CSGALNACT1: variants seen among roughly 807,000 people sequenced by gnomAD.
CSGALNACT1 encodes chondroitin sulfate N-acetylgalactosaminyltransferase 1.
CSGALNACT1 carries 52 observed loss-of-function variants against 51.0 expected under a neutral mutation model. That is an observed-to-expected ratio of 1.02 (90% CI 0.82 to 1.29). The LOEUF (loss-of-function observed/expected upper bound fraction) is 1.29. Ranked by LOEUF, CSGALNACT1 falls within the 50% of genes most tolerant of loss-of-function variation. The probability of loss-of-function intolerance (pLI) is 0.00; values close to 1 mark genes in which losing one functional copy is unlikely to be tolerated. For synonymous variants in CSGALNACT1, 341 were observed against 254.4 expected, an observed-to-expected ratio of 1.34 and a Z score of -3.24; for missense variants, 935 against 679.2, an observed-to-expected ratio of 1.38 and a Z score of -4.19.
At chr8:19,685,298 C>G (rs1438401874), upstream of CSGALNACT1, among the ~76,000 whole-genome samples, 2 of 152,108 alleles carry the variant, frequency 1.3e-5, no homozygotes, top group African/African-American at 4.8e-5. Flanking sequence ...CCCATCAGCC[C>G]AGGAGTTTGA....
At chr8:19,691,772 C>T (rs1052302726) in intron 1 of CSGALNACT1, among the ~76,000 whole-genome samples, 1 of 152,154 alleles carries the variant, frequency 6.6e-6, no homozygotes, top group Non-Finnish European at 1.5e-5. Flanking sequence ...ACTGTAAGAG[C>T]CACACACTGA....
chr8:19,527,957 G>T (rs1056325210), intron 3 of CSGALNACT1, among the ~76,000 whole-genome samples: 1 of 152,126 alleles, frequency 6.6e-6, no homozygotes, highest in Non-Finnish European at 1.5e-5. Flanking sequence ...GATAAACTCA[G>T]GGAGAAAATC....
chr8:19,625,585 A>G (rs2054343551), intron 1 of CSGALNACT1, among the ~76,000 whole-genome samples: 1 of 152,224 alleles, frequency 6.6e-6, no homozygotes, highest in Non-Finnish European at 1.5e-5. Context: ...TAGAATATCC[A>G]GGGCTGGAGT....
At chr8:19,598,017 A>T (rs545692472) in intron 2 of CSGALNACT1, among the ~76,000 whole-genome samples, 1 of 152,196 alleles carries the variant, frequency 6.6e-6, no homozygotes, top group Non-Finnish European at 1.5e-5. Flanking sequence ...GCCTCCCAAG[A>T]TAAGTCTCAG....
chr8:19,647,410 C>G (rs1481162608), intron 1 of CSGALNACT1, among the ~76,000 whole-genome samples: 1 of 152,146 alleles, frequency 6.6e-6, no homozygotes, highest in Non-Finnish European at 1.5e-5. Flanking sequence ...GAGCAAGATC[C>G]TCTCTCAAAA....
At chr8:19,436,170 G>T (rs182878408) in intron 6 of CSGALNACT1, among the ~76,000 whole-genome samples, 37 of 152,304 alleles carry the variant, frequency 2.4e-4, no homozygotes, top group African/African-American at 8.4e-4. Flanking sequence ...TTTTTAAAAA[G>T]ATATTAAAGT....
At chr8:19,685,614 G>A (rs776314892), upstream of CSGALNACT1, among the ~76,000 whole-genome samples, 1 of 152,218 alleles carries the variant, frequency 6.6e-6, no homozygotes, top group African/African-American at 2.4e-5. Context: ...ACAGTGCCCT[G>A]AACTATCAAC....
At chr8:19,434,060 A>C (rs1364199913) in intron 6 of CSGALNACT1, among the ~76,000 whole-genome samples, 1 of 152,192 alleles carries the variant, frequency 6.6e-6, no homozygotes, top group Non-Finnish European at 1.5e-5. Context: ...ACCAAAATTC[A>C]TCCATGTTTC....
At chr8:19,520,110 T>C (rs767153636) in intron 3 of CSGALNACT1, among the ~76,000 whole-genome samples, 7 of 152,226 alleles carry the variant, frequency 4.6e-5, no homozygotes, top group Non-Finnish European at 8.8e-5. Flanking sequence ...TCAGCTCTCC[T>C]CTTCCTTCCC....
chr8:19,536,656 T>G (rs957674400), intron 3 of CSGALNACT1, among the ~76,000 whole-genome samples: 2 of 152,178 alleles, frequency 1.3e-5, no homozygotes, highest in Admixed American at 1.3e-4. Flanking sequence ...TTTGTACATA[T>G]GAAGATTATA....
At chr8:19,636,662 TAC>T (rs1423486733) in intron 1 of CSGALNACT1, among the ~76,000 whole-genome samples, 1 of 152,210 alleles carries the variant, frequency 6.6e-6, no homozygotes, top group Non-Finnish European at 1.5e-5. Flanking sequence ...TGGTGTCACA[TAC>T]AGTCGGTAGT....
chr8:19,544,551 T>TC (rs1295468467), intron 3 of CSGALNACT1, among the ~76,000 whole-genome samples: 1 of 152,182 alleles, frequency 6.6e-6, no homozygotes, highest in Admixed American at 6.5e-5. Flanking sequence ...CGAACAGATA[T>TC]CCACCTGATT....
intron 4 of CSGALNACT1, among the ~76,000 whole-genome samples, chr8:19,487,367 C>A (rs1275434242): frequency 5.3e-5 from 8 of 152,082 alleles, no homozygotes; most frequent in African/African-American, 1.9e-4. Flanking sequence ...TTAGTCAAAC[C>A]AACCCCAGAT....
chr8:19,609,660 G>A (rs1344275950), intron 1 of CSGALNACT1, among the ~76,000 whole-genome samples: 1 of 151,824 alleles, frequency 6.6e-6, no homozygotes, highest in East Asian at 1.9e-4. Context: ...GGGGGTTGGG[G>A]GGTGAGAGGG....
At chr8:19,633,166 G>A (rs1295753936) in intron 1 of CSGALNACT1, among the ~76,000 whole-genome samples, 1 of 152,028 alleles carries the variant, frequency 6.6e-6, no homozygotes, top group Non-Finnish European at 1.5e-5. Flanking sequence ...TGGCACAGGA[G>A]GTACTTGATT....
intron 7 of CSGALNACT1, 79 bp downstream of exon 6, chr8:19,420,261 G>C: frequency 7.8e-7 from 1 of 1,276,502 alleles, no homozygotes; most frequent in Admixed American, 1.7e-5. Context: ...ACATCAGAGT[G>C]ACTGACCCAT....
intron 1 of CSGALNACT1, among the ~76,000 whole-genome samples, chr8:19,613,901 G>T (rs985365548): frequency 6.6e-6 from 1 of 152,164 alleles, no homozygotes; most frequent in African/African-American, 2.4e-5. Context: ...CCATCCAGTG[G>T]TTGAGGACTC....
exon 10 of CSGALNACT1, chr8:19,404,314 T>G: frequency 2.2e-6 from 1 of 453,394 alleles, no homozygotes; most frequent in Non-Finnish European, 4.4e-6. Flanking sequence ...TTTTAAACAA[T>G]GAGTTTACTG....
At chr8:19,629,718 C>A (rs181373499) in intron 1 of CSGALNACT1, among the ~76,000 whole-genome samples, 1 of 152,314 alleles carries the variant, frequency 6.6e-6, no homozygotes, top group East Asian at 1.9e-4. Flanking sequence ...CAAAATGCTA[C>A]TAACCTGATT....
Sources: allele counts gnomAD v4.1 joint callset (sites outside exome capture counted in the v4.1 genomes callset), GRCh38; gene constraint gnomAD v4.1.1; transcripts MANE v1.5; gene names NCBI Gene and HGNC (gene_info 2026-07-23, HGNC 2026-07-21).